Variants in ST6GALNAC6 observed in about 807,000 individuals in gnomAD.
ST6GALNAC6 encodes the protein alpha-N-acetylgalactosaminide alpha-2,6-sialyltransferase 6.
A neutral mutation model predicts 34.3 loss-of-function variants in ST6GALNAC6; 19 were observed. The observed-to-expected ratio is 0.55, with a 90% CI of 0.39 to 0.81. The LOEUF is 0.81. ST6GALNAC6 is among the 40% of genes least tolerant of loss of function. ST6GALNAC6 has a pLI of 0.00. For synonymous variants in ST6GALNAC6, 185 were observed against 182.1 expected, an observed-to-expected ratio of 1.02 and a Z score of -0.13; for missense variants, 377 against 467.7, an observed-to-expected ratio of 0.81 and a Z score of 1.79.
chr9:127,894,619 C>T lies in ST6GALNAC6; in HGVS notation c.190G>A (p.Ala64Thr), dbSNP rs369230221. 7 of 1,614,070 alleles carry T rather than the reference C, an allele frequency of 4.3e-6. No individual in the cohort carries two copies. Among genetic ancestry groups the T allele is most frequent in the Admixed American group, 1.7e-5 (1 of 60,004 alleles). ...TILILYSSNS[A>T]NEVFHYGSLR... ...GAGCCGTAATGGAAGACCTCATTGG[C>T]ACTGTTGGAGCTGTAGAGGATGAGG... is the stretch of plus-strand genomic sequence containing the variant. Residue 64 changes from alanine to threonine, a missense_variant, in exon 4 of 7, where the codon GCC (alanine) becomes ACC (threonine). By Grantham distance (58) the Ala-to-Thr change is moderately conservative. Coordinates refer to ENST00000373146, the MANE Select transcript of ST6GALNAC6 (RefSeq NM_013443.5).
At chr9:127,905,815 G>A (rs1005414770), upstream of ST6GALNAC6, 3 of 451,110 alleles carry the variant, frequency 6.7e-6, no homozygotes, top group Non-Finnish European at 8.8e-6. Flanking sequence ...GTACTAATCT[G>A]CCAAGACCAC....
At chr9:127,896,033 G>A (rs1830431263) in intron 3 of ST6GALNAC6, among the ~76,000 whole-genome samples, 1 of 152,192 alleles carries the variant, frequency 6.6e-6, no homozygotes, top group Non-Finnish European at 1.5e-5. Flanking sequence ...AGCTGACCCT[G>A]GGCCCGGGAA....
chr9:127,903,219 C>G (rs942388679), upstream of ST6GALNAC6: 2 of 151,592 alleles, frequency 1.3e-5, no homozygotes, highest in Non-Finnish European at 2.9e-5. Context: ...GGATGGTCTC[C>G]ATCTCCTGAC....
chr9:127,905,167 G>T, intron 1 of ST6GALNAC6: 1 of 964,398 alleles, frequency 1.0e-6, no homozygotes. Flanking sequence ...AGATTCAGGT[G>T]ATCCCTGGGG....
intron 2 of ST6GALNAC6, 90 bp downstream of exon 2, chr9:127,897,866 C>G: frequency 6.3e-7 from 1 of 1,598,842 alleles, no homozygotes; most frequent in South Asian, 1.1e-5. Flanking sequence ...CACCGTCCCC[C>G]TGGTCCGCCC....
Position 127,890,968 on chromosome 9 carries a change from C to T in ST6GALNAC6, c.373G>A (p.Glu125Lys). The T allele has an allele frequency of 6.2e-7, 1 of 1,614,164 alleles. No homozygotes were observed. The highest frequency in any genetic ancestry group is 8.5e-7 in the Non-Finnish European group (1 of 1,180,030). Residue 125 changes from glutamate to lysine, a missense_variant, in exon 5 of 7, where the codon GAG (glutamate) becomes AAG (lysine). Glu to Lys is a moderately conservative substitution (Grantham distance 56). Coordinates refer to ENST00000373146, the MANE Select transcript of ST6GALNAC6 (RefSeq NM_013443.5). The surrounding 1 kb of genome is among the most constrained non-coding windows in gnomAD (Gnocchi z 4.3). ...ATTGTACACTCAGCCCGCTCGATCTCAGGGCCCAGCTTGGTGCCCAGCAGG... is the reference window on the plus strand; with the variant it reads ...ATTGTACACTCAGCCCGCTCGATCTTAGGGCCCAGCTTGGTGCCCAGCAGG... ...SHLLGTKLGP[E>K]IERAECTIRM...
chr9:127,900,560 C>CAAAAAAA (rs71380101), upstream of ST6GALNAC6, among the ~76,000 whole-genome samples: 127 of 44,184 alleles, frequency 2.9e-3, 6 homozygotes, highest in African/African-American at 0.013. Flanking sequence ...AACTCCGTCT[C>CAAAAAAA]AAAAAAAAAA....
chr9:127,886,552 A>T lies in ST6GALNAC6; in HGVS notation c.*47T>A. On this transcript the variant is annotated 3_prime_UTR_variant, in exon 7 of 7. Coordinates refer to ENST00000373146, the MANE Select transcript of ST6GALNAC6 (RefSeq NM_013443.5). ...GGTCCCTGGCCTAGCGGCTGGGCGG[A>T]GGCTGCTTCTCCTCTGACCCTCCTG... is the stretch of plus-strand genomic sequence containing the variant. The T allele has an allele frequency of 6.2e-7, 1 of 1,606,268 alleles. No homozygotes were observed. Among genetic ancestry groups the T allele is most frequent in the Non-Finnish European group, 8.5e-7 (1 of 1,175,916 alleles).
At chr9:127,891,969 T>A (rs1408586043) in intron 4 of ST6GALNAC6, among the ~76,000 whole-genome samples, 1 of 151,882 alleles carries the variant, frequency 6.6e-6, no homozygotes, top group African/African-American at 2.4e-5. Flanking sequence ...CTGACCAACA[T>A]GGAGAAACCC....
chr9:127,896,860 C>T, intron 2 of ST6GALNAC6: 1 of 985,396 alleles, frequency 1.0e-6, no homozygotes, highest in Non-Finnish European at 1.2e-6. Context: ...TAAGAGCTGC[C>T]TGCGGGATAC....
chr9:127,885,797 G>A lies in ST6GALNAC6; in HGVS notation c.*802C>T, dbSNP rs1829721567. The A allele has an allele frequency of 6.6e-6, 1 of 152,222 alleles. No individual in the cohort carries two copies. Among genetic ancestry groups the A allele is most frequent in the Non-Finnish European group, 1.5e-5 (1 of 68,050 alleles). 9.4% of individuals were successfully genotyped at this position (152,222 alleles called of 1,614,324 possible). A position where few individuals can be genotyped will look rare whatever the true frequency, so the allele number is the denominator to read the frequency against. On this transcript the variant is annotated 3_prime_UTR_variant, in exon 7 of 7. Coordinates refer to ENST00000373146, the MANE Select transcript of ST6GALNAC6 (RefSeq NM_013443.5). ...AAGGTTTTGTCCCGTTTCCTTCAGA[G>A]TCCCCCAACCCTGAAGGAGTTTGCG...
chr9:127,889,270 C>A (rs1829986153), intron 5 of ST6GALNAC6, among the ~76,000 whole-genome samples: 2 of 150,370 alleles, frequency 1.3e-5, no homozygotes, highest in Admixed American at 6.6e-5. Context: ...ATCACTTGAA[C>A]CCAGGAGGTG....
upstream of ST6GALNAC6, among the ~76,000 whole-genome samples, chr9:127,900,584 A>AAAAAAAG (rs1564495080): frequency 2.7e-5 from 4 of 150,136 alleles, no homozygotes; most frequent in African/African-American, 9.9e-5. Context: ...AAAAAAAAAA[A>AAAAAAAG]AAGAAGGATG....
chr9:127,900,122 C>G (rs1436784854), upstream of ST6GALNAC6, among the ~76,000 whole-genome samples: 2 of 152,238 alleles, frequency 1.3e-5, no homozygotes, highest in Non-Finnish European at 2.9e-5. Flanking sequence ...GCTGGGAAAA[C>G]TTAAGATGTT....
chr9:127,899,540 G>GCC lies in ST6GALNAC6; in HGVS notation c.-69_-68dup, dbSNP rs1240010062. Reference sequence around the variant, plus strand: ...GCGCCCGGCCCCCCGCGGCCCCCGAGCCCCCTCACATGGCGCCGGGAGCCG... The same window carrying GCC: ...GCGCCCGGCCCCCCGCGGCCCCCGAGCCCCCCCTCACATGGCGCCGGGAGCCG... On this transcript the variant is annotated 5_prime_UTR_variant, in exon 1 of 7. Coordinates refer to ENST00000373146, the MANE Select transcript of ST6GALNAC6 (RefSeq NM_013443.5). 1.0e-6 allele frequency: 1 copy of GCC among 980,900 alleles called. No individual in the cohort carries two copies. Among genetic ancestry groups the GCC allele is most frequent in the African/African-American group, 1.8e-5 (1 of 56,760 alleles). 60.8% of individuals were successfully genotyped at this position (980,900 alleles called of 1,614,324 possible).
At position 127,886,616 on chromosome 9, in the gene ST6GALNAC6, G is replaced by A; in HGVS notation, c.985C>T (p.His329Tyr). 1.2e-6 allele frequency: 2 copies of A among 1,613,962 alleles called. No homozygotes were observed. The highest frequency in any genetic ancestry group is 2.2e-5 in the South Asian group (2 of 91,066). ...TGGGTGGCCTAGGTCCAGGAGGGGT[G>A]GGAGAAGGTGATGCCATACAGCTGG... ...WAQLYGITFS[H>Y]PSWT The change falls in exon 7 of 7, where the codon CAC becomes TAC. Residue 329 changes from histidine (H) to tyrosine (Y), a missense_variant. Coordinates refer to ENST00000373146, the MANE Select transcript of ST6GALNAC6 (RefSeq NM_013443.5).
chr9:127,891,614 G>A (rs928507220), intron 4 of ST6GALNAC6, among the ~76,000 whole-genome samples: 4 of 149,048 alleles, frequency 2.7e-5, no homozygotes, highest in African/African-American at 7.5e-5. Context: ...AGACTCTGTC[G>A]AAATAAAGAA....
chr9:127,897,992 T>G lies in ST6GALNAC6; in HGVS notation c.-11A>C. ...CCTCGAGCAAGCCATGTGACCTCTC[T>G]GAGCCTCAGTTTCCTCATCTGTGAA... On this transcript the variant is annotated 5_prime_UTR_variant, in exon 2 of 7. Transcript: ENST00000373146. 2 of 1,502,294 alleles carry G rather than the reference T, an allele frequency of 1.3e-6. No individual in the cohort carries two copies. Among genetic ancestry groups the G allele is most frequent in the East Asian group, 4.6e-5 (2 of 43,634 alleles). The allele number at this position is 1,502,294 out of a possible 1,614,324, so 93.1% of individuals were successfully genotyped here. A position where few individuals can be genotyped will look rare whatever the true frequency, so the allele number is the denominator to read the frequency against.
At chr9:127,905,948 C>T (rs1830906223), upstream of ST6GALNAC6, 1 of 985,498 alleles carries the variant, frequency 1.0e-6, no homozygotes. Flanking sequence ...TGCCTGACAC[C>T]TGTTGAGAGC....
Sources: gnomAD v4.1 joint callset for allele counts (sites outside exome capture counted in the v4.1 genomes callset) on GRCh38, gnomAD v4.1.1 for gene constraint, Gnocchi (gnomAD v3.1) non-coding constraint, MANE v1.5 for transcripts, NCBI Gene and HGNC (gene_info 2026-07-23, HGNC 2026-07-21) for gene names.